Variants in TENM4 observed in about 807,000 individuals in gnomAD.
The protein encoded by TENM4 is teneurin-4.
TENM4 carries 82 observed loss-of-function variants against 243.3 expected under a neutral mutation model. That is an observed-to-expected ratio of 0.34 (90% confidence interval 0.28 to 0.40). TENM4 has a LOEUF of 0.40. TENM4 is among the 10% of genes least tolerant of loss of function. The pLI is 1.00. For synonymous variants in TENM4, 1,412 were observed against 1,456.3 expected (o/e 0.97, Z 0.69); for missense variants, 3,138 against 3,673.3 (o/e 0.85, Z 3.77).
At chr11:79,207,679 A>G (rs1257252024) in intron 3 of TENM4, among the ~76,000 whole-genome samples, 1 of 151,984 alleles carries the variant, frequency 6.6e-6, no homozygotes. Flanking sequence ...AGCCTGAGTA[A>G]CATGGTGAAA....
chr11:79,078,035 A>T (rs1347090379), intron 4 of TENM4, among the ~76,000 whole-genome samples: 1 of 152,188 alleles, frequency 6.6e-6, no homozygotes, highest in African/African-American at 2.4e-5. Flanking sequence ...CATGGGTTCC[A>T]GCAATATTTA....
intron 4 of TENM4, among the ~76,000 whole-genome samples, chr11:79,124,891 ATATGTGTGTGTG>A (rs1478160701): frequency 5.2e-5 from 3 of 57,848 alleles, no homozygotes; most frequent in Admixed American, 1.8e-4. Flanking sequence ...ATGTATATGT[ATATGTGTGTGTG>A]TGTGTGTGTG....
intron 2 of TENM4, among the ~76,000 whole-genome samples, chr11:79,235,869 G>A (rs1057249677): frequency 6.6e-6 from 1 of 152,022 alleles, no homozygotes; most frequent in African/African-American, 2.4e-5. Flanking sequence ...TAAGAATGAG[G>A]ACTTTTTTTT....
chr11:79,183,478 A>G (rs1863323147), intron 3 of TENM4, among the ~76,000 whole-genome samples: 2 of 152,210 alleles, frequency 1.3e-5, no homozygotes, highest in Non-Finnish European at 2.9e-5. Flanking sequence ...GATACATGAC[A>G]TTATATACAT....
intron 1 of TENM4, among the ~76,000 whole-genome samples, chr11:79,308,465 A>G (rs896043571): frequency 6.6e-6 from 1 of 152,194 alleles, no homozygotes; most frequent in Non-Finnish European, 1.5e-5. Context: ...CAACAACTAT[A>G]ATGGGATACA....
At chr11:79,391,588 AGG>A (rs1287992725) in intron 1 of TENM4, among the ~76,000 whole-genome samples, 2 of 152,200 alleles carry the variant, frequency 1.3e-5, no homozygotes, top group Admixed American at 6.5e-5. Context: ...TAAAACCAAA[AGG>A]TTGGGTTTTT....
At chr11:79,143,600 A>C (rs1862337239) in intron 4 of TENM4, among the ~76,000 whole-genome samples, 1 of 152,074 alleles carries the variant, frequency 6.6e-6, no homozygotes, top group African/African-American at 2.4e-5. Context: ...TGGGTGCAGC[A>C]CAGCAACATG....
chr11:79,041,123 G>T (rs1023339889), intron 6 of TENM4, among the ~76,000 whole-genome samples: 3 of 151,776 alleles, frequency 2.0e-5, no homozygotes, highest in Non-Finnish European at 2.9e-5. Context: ...GCGTGCAGTG[G>T]CACAATCTTA....
intron 6 of TENM4, among the ~76,000 whole-genome samples, chr11:78,971,792 A>T (rs747692137): frequency 1.3e-4 from 17 of 131,416 alleles, no homozygotes; most frequent in African/African-American, 4.3e-4. Context: ...GTAAAACATT[A>T]AAAAAAATGT....
chr11:78,888,805 G>T (rs1565424770), intron 9 of TENM4, among the ~76,000 whole-genome samples: 1 of 152,176 alleles, frequency 6.6e-6, no homozygotes, highest in Non-Finnish European at 1.5e-5. Flanking sequence ...AATTATCTTA[G>T]AATTCCTTAG....
intron 1 of TENM4, among the ~76,000 whole-genome samples, chr11:79,401,871 G>A (rs183534308): frequency 1.3e-5 from 2 of 152,302 alleles, no homozygotes; most frequent in Admixed American, 6.5e-5. Context: ...TCCACCCGGG[G>A]AGGAACACTG....
intron 25 of TENM4, among the ~76,000 whole-genome samples, chr11:78,719,686 T>A (rs943823580): frequency 6.6e-6 from 1 of 152,230 alleles, no homozygotes; most frequent in Non-Finnish European, 1.5e-5. Flanking sequence ...GACTCTGAGG[T>A]GACTGCTATC....
intron 12 of TENM4, among the ~76,000 whole-genome samples, chr11:78,820,090 A>G (rs1857694783): frequency 6.6e-6 from 1 of 152,246 alleles, no homozygotes; most frequent in African/African-American, 2.4e-5. Context: ...TTAGCAACCA[A>G]AAAGAAGAAA....
chr11:78,969,116 G>T (rs1857492604), intron 6 of TENM4, among the ~76,000 whole-genome samples: 1 of 152,206 alleles, frequency 6.6e-6, no homozygotes, highest in Non-Finnish European at 1.5e-5. Flanking sequence ...TCACTGTAAA[G>T]GCTCAGCCAA....
chr11:79,236,500 G>A (rs998258077), intron 2 of TENM4, among the ~76,000 whole-genome samples: 5 of 151,960 alleles, frequency 3.3e-5, no homozygotes, highest in Admixed American at 6.6e-5. Context: ...TCTCTTTCTC[G>A]CGCTGTGATC....
intron 1 of TENM4, among the ~76,000 whole-genome samples, chr11:79,418,386 G>A (rs989474035): frequency 3.9e-5 from 6 of 152,080 alleles, no homozygotes; most frequent in African/African-American, 7.2e-5. Context: ...CAGTATGCAG[G>A]ACATGAAAAC....
chr11:79,238,352 A>AC (rs1864518014), intron 2 of TENM4, among the ~76,000 whole-genome samples: 1 of 151,424 alleles, frequency 6.6e-6, no homozygotes, highest in Admixed American at 6.6e-5. Context: ...GAGATTGGAG[A>AC]CCCCCCTCAA....
At chr11:78,788,489 T>A (rs2136042705) in intron 15 of TENM4, among the ~76,000 whole-genome samples, 1 of 152,352 alleles carries the variant, frequency 6.6e-6, no homozygotes. Context: ...CTGGGGCAGG[T>A]CCCTTGACTT....
rs150886497 is a variant in TENM4 at position 79,241,717 on chromosome 11, C to CGT, written c.-264-25810_-264-25809dup. Among the ~76,000 whole-genome samples, 197 of 151,070 alleles carry CGT rather than the reference C, an allele frequency of 1.3e-3. 1 individual carries two copies. The highest frequency in any genetic ancestry group is 1.9e-3 in the Non-Finnish European group (128 of 67,654). On this transcript the variant is annotated intron_variant, in intron 2 of 33. Coordinates refer to ENST00000278550, the MANE Select transcript of TENM4 (RefSeq NM_001098816.3). The stretch of plus-strand genomic sequence containing the variant: ...CAATGATGATGTGTTCACATGTGAG[C>CGT]GTGTGTGTGTGTGTGCATGTGTATG...
Sources: gnomAD v4.1 joint callset for allele counts (sites outside exome capture counted in the v4.1 genomes callset) on GRCh38, gnomAD v4.1.1 for gene constraint, MANE v1.5 for transcripts, NCBI Gene and HGNC (gene_info 2026-07-23, HGNC 2026-07-21) for gene names.